Variants in SEMA3E observed in about 807,000 individuals in gnomAD.
SEMA3E encodes the protein semaphorin 3E.
SEMA3E carries 49 observed loss-of-function variants against 93.6 expected under a neutral mutation model. The observed-to-expected ratio is 0.52, with a 90% confidence interval of 0.42 to 0.66. SEMA3E has a LOEUF of 0.66. Among genes scored for constraint, SEMA3E ranks in the 30% least tolerant of loss-of-function variants. The pLI is 0.00. For synonymous variants in SEMA3E, 363 were observed against 330.7 expected (o/e 1.10, Z -1.06); for missense variants, 906 against 964.8 (o/e 0.94, Z 0.81).
At chr7:83,478,006 C>T (rs539735962) in intron 2 of SEMA3E, among the ~76,000 whole-genome samples, 1 of 152,090 alleles carries the variant, frequency 6.6e-6, no homozygotes, top group East Asian at 1.9e-4. Flanking sequence ...CTGCAACCTC[C>T]ACCTCCCAGG....
intron 4 of SEMA3E, among the ~76,000 whole-genome samples, chr7:83,462,998 T>C (rs146067753): frequency 0.59 from 63,592 of 107,466 alleles, 20,667 homozygotes; most frequent in East Asian, 0.99. Context: ...CCATCAAGCT[T>C]AGCAAATTAC....
intron 4 of SEMA3E, among the ~76,000 whole-genome samples, chr7:83,438,762 A>G (rs1449674381): frequency 6.6e-6 from 1 of 152,066 alleles, no homozygotes; most frequent in Non-Finnish European, 1.5e-5. Context: ...GTAGGCATTT[A>G]TATATTTTAA....
intron 4 of SEMA3E, among the ~76,000 whole-genome samples, chr7:83,462,330 T>C (rs944850957): frequency 1.2e-4 from 19 of 152,176 alleles, no homozygotes; most frequent in East Asian, 3.9e-4. Flanking sequence ...GCTTCTAAAC[T>C]TCTTAAAACT....
chr7:83,640,428 C>T (rs749432084), intron 1 of SEMA3E, among the ~76,000 whole-genome samples: 5 of 151,940 alleles, frequency 3.3e-5, no homozygotes, highest in African/African-American at 7.3e-5. Context: ...CTGTGCAGTG[C>T]CCTAATTCCT....
intron 16 of SEMA3E, among the ~76,000 whole-genome samples, chr7:83,369,740 G>T (rs1794726284): frequency 6.6e-6 from 1 of 152,148 alleles, no homozygotes; most frequent in Admixed American, 6.6e-5. Context: ...AATATCCTTA[G>T]CAACTGTTAT....
At chr7:83,622,632 A>G (rs948408940) in intron 1 of SEMA3E, among the ~76,000 whole-genome samples, 18 of 152,370 alleles carry the variant, frequency 1.2e-4, no homozygotes, top group African/African-American at 4.3e-4. Context: ...CATATACACC[A>G]TGGAATACTA....
At chr7:83,579,068 A>G (rs1792467351) in intron 1 of SEMA3E, among the ~76,000 whole-genome samples, 2 of 152,160 alleles carry the variant, frequency 1.3e-5, no homozygotes, top group Admixed American at 1.3e-4. Context: ...ATAGATTTCA[A>G]AAGAGAGAAC....
intron 4 of SEMA3E, among the ~76,000 whole-genome samples, chr7:83,444,456 G>A (rs1177623146): frequency 2.0e-5 from 3 of 152,064 alleles, no homozygotes; most frequent in Non-Finnish European, 4.4e-5. Flanking sequence ...TTACTTTAGG[G>A]ATAAATGTCC....
chr7:83,433,989 TTAAAA>T (rs1274772413), intron 4 of SEMA3E, among the ~76,000 whole-genome samples: 1 of 152,224 alleles, frequency 6.6e-6, no homozygotes, highest in African/African-American at 2.4e-5. Flanking sequence ...ATAATTTTCT[TTAAAA>T]TAATTATTTA....
chr7:83,480,838 A>G (rs116755229), intron 2 of SEMA3E, among the ~76,000 whole-genome samples: 282 of 152,350 alleles, frequency 1.9e-3, no homozygotes, highest in African/African-American at 6.4e-3. Context: ...TAGTCATAAC[A>G]TAATAAAATA....
rs561902099 is a variant in SEMA3E, at chr7:83,562,166, C to T, written c.116-71892G>A. On this transcript the variant is annotated intron_variant, in intron 1 of 16. Transcript: ENST00000643230. ...ATTTCTATTTTTTTAAATCTAAAAG[C>T]ACAGAGTTTTCTTAACCTTAATTTA... Among the ~76,000 whole-genome samples the T allele has an allele frequency of 2.0e-5, 3 of 152,146 alleles. No homozygotes were observed. The South Asian group carries it at 6.2e-4, about 32-fold the overall frequency.
intron 4 of SEMA3E, among the ~76,000 whole-genome samples, chr7:83,430,061 T>C (rs910505720): frequency 6.6e-6 from 1 of 152,206 alleles, no homozygotes; most frequent in African/African-American, 2.4e-5. Context: ...AAGCTTACTG[T>C]GTTTCAGGTA....
intron 1 of SEMA3E, among the ~76,000 whole-genome samples, chr7:83,600,734 A>G (rs919465804): frequency 7.2e-5 from 11 of 152,070 alleles, no homozygotes; most frequent in African/African-American, 2.4e-4. Context: ...AAACAAAGTC[A>G]TCATCACAGA....
At chr7:83,427,588 A>G (rs1227977731) in intron 4 of SEMA3E, among the ~76,000 whole-genome samples, 1 of 152,230 alleles carries the variant, frequency 6.6e-6, no homozygotes, top group Non-Finnish European at 1.5e-5. Context: ...GCATAGATCA[A>G]GCTAACTTCA....
At chr7:83,427,665 G>T (rs1034084253) in intron 4 of SEMA3E, among the ~76,000 whole-genome samples, 2 of 152,036 alleles carry the variant, frequency 1.3e-5, no homozygotes, top group Admixed American at 6.6e-5. Flanking sequence ...GGTCTTAAAC[G>T]CAGTGTTTCA....
At chr7:83,508,897 C>G (rs1015706660) in intron 1 of SEMA3E, among the ~76,000 whole-genome samples, 21 of 152,208 alleles carry the variant, frequency 1.4e-4, no homozygotes, top group African/African-American at 4.6e-4. Flanking sequence ...AAGACAAAAA[C>G]ATACTTTTTG....
chr7:83,636,005 A>G (rs1331725370), intron 1 of SEMA3E, among the ~76,000 whole-genome samples: 1 of 151,700 alleles, frequency 6.6e-6, no homozygotes, highest in African/African-American at 2.4e-5. Flanking sequence ...GTATTCTTGT[A>G]TTCATTCTTT....
chr7:83,440,731 G>T (rs1445551743), intron 4 of SEMA3E, among the ~76,000 whole-genome samples: 3 of 151,360 alleles, frequency 2.0e-5, no homozygotes, highest in Non-Finnish European at 4.4e-5. Context: ...GAACCCAGGA[G>T]GTGGAGGTTG....
intron 3 of SEMA3E, among the ~76,000 whole-genome samples, chr7:83,468,482 C>T (rs41383745): frequency 0.11 from 16,622 of 151,988 alleles, 1,022 homozygotes; most frequent in Non-Finnish European, 0.14. Flanking sequence ...TGCTGACTCA[C>T]TCCTTGGCTG....
Sources: gnomAD v4.1 joint callset for allele counts (sites outside exome capture counted in the v4.1 genomes callset) on GRCh38, gnomAD v4.1.1 for gene constraint, MANE v1.5 for transcripts, NCBI Gene and HGNC (gene_info 2026-07-23, HGNC 2026-07-21) for gene names.